The following CYB5B variants were observed in gnomAD, a reference collection of about 807,000 sequenced individuals.
The protein encoded by CYB5B is cytochrome b5 type B (outer mitochondrial membrane).
A neutral mutation model predicts 21.3 loss-of-function variants in CYB5B; 14 were observed. That is an observed-to-expected ratio of 0.66 (90% CI 0.43 to 1.03). The LOEUF is 1.03. Ranked by LOEUF, CYB5B falls within the 50% of genes least tolerant of loss-of-function variation. The pLI, the probability that CYB5B is intolerant of heterozygous loss-of-function variation, is 0.00. For synonymous variants in CYB5B, 69 were observed against 68.4 expected (o/e 1.01, Z -0.04); for missense variants, 166 against 185.1 (o/e 0.90, Z 0.60).
At chr16:69,429,074 C>T (rs988423826) in intron 1 of CYB5B, among the ~76,000 whole-genome samples, 1 of 152,168 alleles carries the variant, frequency 6.6e-6, no homozygotes, top group East Asian at 1.9e-4. Flanking sequence ...GTAATAGGAT[C>T]GTTCTGACTA....
chr16:69,448,276 C>T, intron 3 of CYB5B, 132 bp downstream of exon 3: 1 of 1,077,064 alleles, frequency 9.3e-7, no homozygotes, highest in Admixed American at 2.4e-5. Flanking sequence ...TCCTATTTTT[C>T]TGGAATTTGG....
chr16:69,434,016 C>T (rs902980057), intron 1 of CYB5B, among the ~76,000 whole-genome samples: 1 of 152,170 alleles, frequency 6.6e-6, no homozygotes, highest in Non-Finnish European at 1.5e-5. Context: ...GTATTATAAT[C>T]TTATGGGACC....
intron 1 of CYB5B, among the ~76,000 whole-genome samples, chr16:69,445,908 A>T (rs1239376964): frequency 2.6e-5 from 4 of 152,248 alleles, no homozygotes; most frequent in African/African-American, 9.6e-5. Context: ...GTGAGCTGAG[A>T]TTGTGCCATT....
At chr16:69,425,866 G>A (rs1338685391) in intron 1 of CYB5B, among the ~76,000 whole-genome samples, 1 of 152,098 alleles carries the variant, frequency 6.6e-6, no homozygotes, top group South Asian at 2.1e-4. Flanking sequence ...TTAATGACTT[G>A]TGAAAGTTCA....
intron 3 of CYB5B, among the ~76,000 whole-genome samples, chr16:69,457,828 G>C (rs987395613): frequency 2.0e-5 from 3 of 152,140 alleles, no homozygotes; most frequent in African/African-American, 7.2e-5. Context: ...TTGCATGACA[G>C]TGTTTTGGAT....
intron 1 of CYB5B, among the ~76,000 whole-genome samples, chr16:69,427,371 G>A (rs2014658727): frequency 1.3e-5 from 2 of 151,978 alleles, no homozygotes; most frequent in South Asian, 4.2e-4. Context: ...TCAGTCTCAA[G>A]TAATAGTTGC....
chr16:69,446,750 G>A (rs2014882050), intron 1 of CYB5B, among the ~76,000 whole-genome samples: 1 of 152,136 alleles, frequency 6.6e-6, no homozygotes, highest in South Asian at 2.1e-4. Flanking sequence ...AATAATATTG[G>A]CAAAAGGAAC....
chr16:69,458,629 C>G (rs1199063378), intron 3 of CYB5B, among the ~76,000 whole-genome samples: 1 of 152,066 alleles, frequency 6.6e-6, no homozygotes, highest in Admixed American at 6.5e-5. Context: ...TTTTTGTGAT[C>G]TACAAGCAAT....
intron 4 of CYB5B, chr16:69,459,342 T>A: frequency 2.0e-6 from 1 of 492,184 alleles, no homozygotes; most frequent in East Asian, 3.6e-5. Context: ...CCTTGAGTCA[T>A]TTTTTAATCT....
At chr16:69,436,501 A>G (rs1330592422) in intron 1 of CYB5B, among the ~76,000 whole-genome samples, 1 of 152,002 alleles carries the variant, frequency 6.6e-6, no homozygotes, top group Non-Finnish European at 1.5e-5. Flanking sequence ...TTCTAACCCA[A>G]ATGCAAATAC....
At chr16:69,461,268 T>G (rs1291614912) in intron 4 of CYB5B, among the ~76,000 whole-genome samples, 1 of 152,198 alleles carries the variant, frequency 6.6e-6, no homozygotes, top group Non-Finnish European at 1.5e-5. Flanking sequence ...GATCCTACTT[T>G]TGGATTCTTC....
intron 1 of CYB5B, 151 bp downstream of exon 1, chr16:69,425,008 A>T: frequency 9.5e-5 from 69 of 723,024 alleles, no homozygotes; most frequent in Non-Finnish European, 1.3e-4. Context: ...CTGGGGTGGG[A>T]TTGGGGGAGG....
intron 3 of CYB5B, 96 bp downstream of exon 3, chr16:69,448,240 G>T: frequency 7.1e-7 from 1 of 1,418,028 alleles, no homozygotes; most frequent in South Asian, 1.2e-5. Context: ...AAGTTACAAA[G>T]TATTTACTTT....
chr16:69,431,603 C>T (rs2014706941), intron 1 of CYB5B, among the ~76,000 whole-genome samples: 1 of 152,014 alleles, frequency 6.6e-6, no homozygotes, highest in African/African-American at 2.4e-5. Context: ...AAAACCCCAT[C>T]TCTACAAAAA....
chr16:69,428,387 C>T (rs550385981), intron 1 of CYB5B, among the ~76,000 whole-genome samples: 22 of 151,480 alleles, frequency 1.5e-4, no homozygotes, highest in African/African-American at 4.4e-4. Context: ...GGGCTGGACA[C>T]GGTGGCTTAG....
Position 69,439,620 on chromosome 16 carries a change from G to T in CYB5B, c.175-7530G>T, listed in dbSNP as rs978939915. On this transcript the variant is annotated intron_variant, in intron 1 of 4. Transcript: ENST00000307892. ...CTCACTCTGTCACCTAGGCTGGAGT[G>T]CAGTGGCATGAACTCTGCTCACTGT... is the stretch of plus-strand genomic sequence containing the variant. Among the ~76,000 whole-genome samples, 8 of 152,058 alleles carry T rather than the reference G, an allele frequency of 5.3e-5. No individual in the cohort carries two copies. In the South Asian group the frequency reaches 8.3e-4, roughly 16 times the overall value.
At chr16:69,459,296 A>G in intron 4 of CYB5B, 175 bp downstream of exon 4, 1 of 792,870 alleles carries the variant, frequency 1.3e-6, no homozygotes, top group Non-Finnish European at 1.9e-6. Flanking sequence ...TAACTTTTAC[A>G]GTTTCAGCCA....
chr16:69,442,125 A>C (rs1245897584), intron 1 of CYB5B, among the ~76,000 whole-genome samples: 2 of 102,192 alleles, frequency 2.0e-5, no homozygotes, highest in South Asian at 6.7e-4. Flanking sequence ...TAAATATAAA[A>C]ATGCAGGGTG....
In CYB5B at chr16:69,464,992, T is replaced by C. The variant is rs1314034268; in HGVS notation, c.*2472T>C. ...GTGAGAGTTTGCAGAGGTTTTTCTA[T>C]ACAATAAAGTAGTATAGCACACTAG... On this transcript the variant is annotated 3_prime_UTR_variant, in exon 5 of 5. Transcript: ENST00000307892. 6.6e-6 allele frequency: 1 copy of C among 152,454 alleles called. No homozygotes were observed. The highest frequency in any genetic ancestry group is 2.4e-5 in the African/African-American group (1 of 41,462). The allele number at this position is 152,454 out of a possible 1,614,324, so 9.4% of individuals were successfully genotyped here.
Sources: gnomAD v4.1 joint callset for allele counts (sites outside exome capture counted in the v4.1 genomes callset) on GRCh38, gnomAD v4.1.1 for gene constraint, MANE v1.5 for transcripts, NCBI Gene and HGNC (gene_info 2026-07-23, HGNC 2026-07-21) for gene names.